Variants in NELL1 observed in about 807,000 individuals in gnomAD.
NELL1 encodes protein kinase C-binding protein NELL1.
NELL1 carries 76 observed loss-of-function variants against 107.4 expected under a neutral mutation model. That is an observed-to-expected ratio of 0.71 (90% CI 0.59 to 0.86). The LOEUF (loss-of-function observed/expected upper bound fraction) is 0.86. Among genes scored for constraint, NELL1 ranks in the 40% least tolerant of loss-of-function variants. The pLI, the probability that NELL1 is intolerant of heterozygous loss-of-function variation, is 0.00. For missense variants in NELL1, 1,024 were observed against 1,005.5 expected (o/e 1.02, Z -0.25); for synonymous variants, 353 against 341.2 (o/e 1.03, Z -0.38).
At chr11:21,071,784 C>A (rs1319332949) in intron 12 of NELL1, among the ~76,000 whole-genome samples, 1 of 152,162 alleles carries the variant, frequency 6.6e-6, no homozygotes, top group Non-Finnish European at 1.5e-5. Context: ...ATGGAAAGTT[C>A]TTTGAGTCCT....
intron 14 of NELL1, among the ~76,000 whole-genome samples, chr11:21,341,850 T>C (rs1850575022): frequency 6.6e-6 from 1 of 152,226 alleles, no homozygotes. Context: ...TATGTAATAA[T>C]ACATTTTTTT....
chr11:20,873,179 T>C (rs1401153827), intron 4 of NELL1, among the ~76,000 whole-genome samples: 1 of 152,178 alleles, frequency 6.6e-6, no homozygotes, highest in African/African-American at 2.4e-5. Context: ...AATTGAACAC[T>C]AGGAGCAGCA....
chr11:21,409,883 A>G, intron 15 of NELL1, among the ~76,000 whole-genome samples: 1 of 151,808 alleles, frequency 6.6e-6, no homozygotes, highest in Non-Finnish European at 1.5e-5. Flanking sequence ...TGACGATGAG[A>G]AAACAAAAAA....
chr11:20,908,743 C>T (rs1050686697), intron 5 of NELL1, among the ~76,000 whole-genome samples: 5 of 152,016 alleles, frequency 3.3e-5, no homozygotes, highest in Admixed American at 6.6e-5. Context: ...AATAAAATCA[C>T]GCAGCTGCTG....
At chr11:20,917,256 C>G (rs1264745107) in intron 5 of NELL1, among the ~76,000 whole-genome samples, 4 of 151,932 alleles carry the variant, frequency 2.6e-5, no homozygotes. Flanking sequence ...GGTTAATAAA[C>G]ATATAATTCT....
chr11:21,218,564 T>C (rs1179712127), intron 13 of NELL1, among the ~76,000 whole-genome samples: 2 of 152,168 alleles, frequency 1.3e-5, no homozygotes, highest in Non-Finnish European at 2.9e-5. Flanking sequence ...ATAATTACCC[T>C]ACAGTGTTAT....
At chr11:21,241,096 G>C (rs1462254841) in intron 14 of NELL1, among the ~76,000 whole-genome samples, 1 of 152,048 alleles carries the variant, frequency 6.6e-6, no homozygotes, top group Non-Finnish European at 1.5e-5. Context: ...TTTAAAACAG[G>C]CTACCAAACA....
At chr11:21,539,723 G>C (rs1051822932) in intron 16 of NELL1, among the ~76,000 whole-genome samples, 2 of 151,126 alleles carry the variant, frequency 1.3e-5, no homozygotes, top group East Asian at 4.0e-4. Flanking sequence ...ATGGGTACAG[G>C]ATACCCATAG....
intron 2 of NELL1, among the ~76,000 whole-genome samples, chr11:20,701,222 C>T (rs1272449073): frequency 3.9e-5 from 6 of 152,114 alleles, no homozygotes; most frequent in Non-Finnish European, 8.8e-5. Flanking sequence ...GAGATGGTAT[C>T]TCATTGTGGT....
At chr11:21,291,911 T>C (rs1849273395) in intron 14 of NELL1, among the ~76,000 whole-genome samples, 1 of 152,190 alleles carries the variant, frequency 6.6e-6, no homozygotes, top group African/African-American at 2.4e-5. Context: ...AAACTAGGTA[T>C]TGATGGAACG....
At chr11:21,068,224 A>G (rs1289515195) in intron 12 of NELL1, among the ~76,000 whole-genome samples, 1 of 152,028 alleles carries the variant, frequency 6.6e-6, no homozygotes, top group Non-Finnish European at 1.5e-5. Flanking sequence ...CCCTATTGAT[A>G]TAAATGATGG....
chr11:21,103,096 GA>G (rs1854862011), intron 12 of NELL1, among the ~76,000 whole-genome samples: 1 of 152,158 alleles, frequency 6.6e-6, no homozygotes, highest in Admixed American at 6.5e-5. Context: ...GGTGGTAGAG[GA>G]CAAAATGTTT....
At chr11:21,128,605 A>G (rs1855543249) in intron 13 of NELL1, among the ~76,000 whole-genome samples, 1 of 152,166 alleles carries the variant, frequency 6.6e-6, no homozygotes, top group Non-Finnish European at 1.5e-5. Flanking sequence ...GTCACCCTCA[A>G]GCAGATCGTC....
At chr11:21,503,035 C>A (rs1476134592) in intron 15 of NELL1, among the ~76,000 whole-genome samples, 2 of 152,082 alleles carry the variant, frequency 1.3e-5, no homozygotes, top group African/African-American at 4.8e-5. Flanking sequence ...GCATGTGCCA[C>A]CATGCCTGGC....
chr11:21,006,689 G>C (rs1852334363), intron 12 of NELL1, among the ~76,000 whole-genome samples: 2 of 152,032 alleles, frequency 1.3e-5, no homozygotes, highest in Non-Finnish European at 2.9e-5. Flanking sequence ...AGAGGGATAA[G>C]ACCCCCAACG....
At chr11:20,880,713 A>G (rs1849391433) in intron 4 of NELL1, among the ~76,000 whole-genome samples, 1 of 152,168 alleles carries the variant, frequency 6.6e-6, no homozygotes, top group Non-Finnish European at 1.5e-5. Flanking sequence ...GGCTTAAAAT[A>G]GCTGAATTTT....
intron 2 of NELL1, among the ~76,000 whole-genome samples, chr11:20,696,802 A>C (rs1349265317): frequency 6.6e-6 from 1 of 152,158 alleles, no homozygotes; most frequent in Non-Finnish European, 1.5e-5. Flanking sequence ...ACCCTCCTCA[A>C]CTCCAAACAA....
intron 13 of NELL1, among the ~76,000 whole-genome samples, chr11:21,228,930 C>T (rs1857969366): frequency 6.6e-6 from 1 of 151,782 alleles, no homozygotes; most frequent in Non-Finnish European, 1.5e-5. Flanking sequence ...GTATCACTTC[C>T]TGTTCCCAAT....
chr11:20,783,681 C>T lies in NELL1; in HGVS notation c.186C>T (p.Asp62=), dbSNP rs1199750649. ...HNASKAFLFQ[D]IEREIHAAPH... is the part of the protein sequence containing the mutation. The stretch of plus-strand genomic sequence containing the variant: ...CCTGCTTTTCTTCTTGATTCCTAGA[C>T]ATAGAAAGAGAGATCCATGCAGCTC... Residue 62 remains aspartate, a splice_region_variant and synonymous_variant, in exon 3 of 20, where the codon GAC becomes GAT. Coordinates refer to ENST00000357134, the MANE Select transcript of NELL1 (RefSeq NM_006157.5). 2 of 1,611,490 alleles carry T rather than the reference C, an allele frequency of 1.2e-6. No individual in the cohort carries two copies. Among genetic ancestry groups the T allele is most frequent in the Non-Finnish European group, 1.7e-6 (2 of 1,178,736 alleles).
Sources: gnomAD v4.1 joint callset for allele counts (sites outside exome capture counted in the v4.1 genomes callset) on GRCh38, gnomAD v4.1.1 for gene constraint, MANE v1.5 for transcripts, NCBI Gene and HGNC (gene_info 2026-07-23, HGNC 2026-07-21) for gene names.